The following DPP10 variants were observed in gnomAD, a reference collection of about 807,000 sequenced individuals.
DPP10 encodes the protein dipeptidyl peptidase like 10, also known as inactive dipeptidyl peptidase 10.
In DPP10, 33 loss-of-function variants were observed where a neutral mutation model predicts 120.9. The ratio of observed to expected loss-of-function variants is 0.27; its 90% CI spans 0.21 to 0.37. The LOEUF is 0.37. Ranked by LOEUF, DPP10 falls within the 10% of genes least tolerant of loss-of-function variation. The probability of loss-of-function intolerance (pLI) is 1.00; values close to 1 mark genes in which losing one functional copy is unlikely to be tolerated. For missense variants in DPP10, 816 were observed against 942.8 expected, an observed-to-expected ratio of 0.87 and a Z score of 1.76; for synonymous variants, 337 against 326.1, an observed-to-expected ratio of 1.03 and a Z score of -0.36.
chr2:115,391,299 G>A (rs991089651), intron 3 of DPP10, among the ~76,000 whole-genome samples: 2 of 152,124 alleles, frequency 1.3e-5, no homozygotes, highest in Non-Finnish European at 2.9e-5. Context: ...TAAATATGAA[G>A]TCCTTACTAC....
At position 115,068,277 on chromosome 2, in the gene DPP10, G is replaced by GT. The variant is rs1317837120; in HGVS notation, c.61-240961dup. 4.0e-5 allele frequency among the ~76,000 whole-genome samples: 6 copies of GT among 150,946 alleles called. No homozygotes were observed. In the South Asian group the frequency reaches 1.3e-3, roughly 32 times the overall value. On this transcript the variant is annotated intron_variant, in intron 1 of 25. Coordinates refer to ENST00000410059, the MANE Select transcript of DPP10 (RefSeq NM_020868.6). The stretch of plus-strand genomic sequence containing the variant: ...AGCCATTCTAGCCATTCTAACAGGT[G>GT]TGAGGTTATTGTGGTTTTAATTTGC...
intron 10 of DPP10, among the ~76,000 whole-genome samples, chr2:115,751,957 C>T (rs1332716707): frequency 1.4e-5 from 2 of 140,440 alleles, no homozygotes; most frequent in Non-Finnish European, 3.2e-5. Flanking sequence ...TGCCACAACA[C>T]CCGGCTAATT....
chr2:115,267,423 G>T (rs2059506016), intron 1 of DPP10, among the ~76,000 whole-genome samples: 1 of 152,130 alleles, frequency 6.6e-6, no homozygotes, highest in Non-Finnish European at 1.5e-5. Flanking sequence ...GCAGGGACTT[G>T]TTTTTAGGAA....
At chr2:115,790,717 T>C (rs1683875077) in intron 17 of DPP10, among the ~76,000 whole-genome samples, 1 of 152,212 alleles carries the variant, frequency 6.6e-6, no homozygotes, top group Non-Finnish European at 1.5e-5. Flanking sequence ...AATCCAGGTG[T>C]CCTCATCCTG....
chr2:114,570,971 C>A (rs1014422648), intron 1 of DPP10, among the ~76,000 whole-genome samples: 3 of 151,718 alleles, frequency 2.0e-5, no homozygotes, highest in African/African-American at 7.3e-5. Context: ...TTTGATTTGT[C>A]CTATTCTATT....
intron 1 of DPP10, among the ~76,000 whole-genome samples, chr2:115,123,194 A>G (rs1462853269): frequency 6.6e-6 from 1 of 152,172 alleles, no homozygotes; most frequent in Non-Finnish European, 1.5e-5. Context: ...GACCAAGACA[A>G]GTTGTAGCGG....
At chr2:114,529,630 C>T (rs1305421655) in intron 1 of DPP10, among the ~76,000 whole-genome samples, 1 of 152,146 alleles carries the variant, frequency 6.6e-6, no homozygotes, top group Non-Finnish European at 1.5e-5. Flanking sequence ...TCCTTTCTTG[C>T]CTCCTCCCAT....
At chr2:115,022,847 ATACT>A (rs767473498) in intron 1 of DPP10, among the ~76,000 whole-genome samples, 1 of 152,190 alleles carries the variant, frequency 6.6e-6, no homozygotes, top group Non-Finnish European at 1.5e-5. Flanking sequence ...ATAAAGCCAA[ATACT>A]TACAGCCAAT....
At position 115,499,573 on chromosome 2, in the gene DPP10, C is replaced by T. The variant is rs2076575787; in HGVS notation, c.335C>T (p.Ala112Val). 1.9e-6 allele frequency: 3 copies of T among 1,611,312 alleles called. No individual in the cohort carries two copies. The highest frequency in any genetic ancestry group is 1.1e-5 in the South Asian group (1 of 90,906). ...ATTAAACTGAATATAGAAACAAATGCTACCACATTATTATTGGAAAACACA... is the reference window on the plus strand; with the variant it reads ...ATTAAACTGAATATAGAAACAAATGTTACCACATTATTATTGGAAAACACA... The part of the protein sequence containing the change: ...HVIKLNIETN[A>V]TTLLLENTTF... Residue 112 changes from alanine to valine, a missense_variant, in exon 4 of 26, where the codon GCT becomes GTT. Physicochemically the swap from Ala to Val is moderately conservative, Grantham distance 64. This residue lies in a region of DPP10 where 182 missense variants were observed against 207.4 expected (regional missense o/e 0.88). Coordinates refer to ENST00000410059, the MANE Select transcript of DPP10 (RefSeq NM_020868.6).
intron 1 of DPP10, among the ~76,000 whole-genome samples, chr2:114,618,052 G>T (rs1037324992): frequency 6.6e-6 from 1 of 152,026 alleles, no homozygotes; most frequent in African/African-American, 2.4e-5. Context: ...ATGGGTCCAC[G>T]CAGTGTATTT....
intron 1 of DPP10, among the ~76,000 whole-genome samples, chr2:115,003,249 GCAAA>G (rs945324153): frequency 6.6e-6 from 1 of 150,612 alleles, no homozygotes; most frequent in Non-Finnish European, 1.5e-5. Context: ...ATTATCCCAG[GCAAA>G]CAAACAAAGG....
At chr2:115,162,178 C>T in intron 1 of DPP10, 1 of 1,547,876 alleles carries the variant, frequency 6.5e-7, no homozygotes, top group Middle Eastern at 2.1e-4. Context: ...CCTGCTTCTC[C>T]ACGGACTCTG....
intron 5 of DPP10, among the ~76,000 whole-genome samples, chr2:115,666,991 T>G (rs1038054730): frequency 6.6e-6 from 1 of 152,136 alleles, no homozygotes; most frequent in Non-Finnish European, 1.5e-5. Context: ...CTGCTTCCCT[T>G]TTGCCTTTCA....
intron 1 of DPP10, among the ~76,000 whole-genome samples, chr2:114,982,649 G>A (rs1470482162): frequency 1.3e-5 from 2 of 151,292 alleles, no homozygotes; most frequent in African/African-American, 4.9e-5. Flanking sequence ...CACCCAGGCT[G>A]GAGTTCACTG....
chr2:115,637,324 A>G (rs1312134614), intron 5 of DPP10, among the ~76,000 whole-genome samples: 1 of 152,174 alleles, frequency 6.6e-6, no homozygotes, highest in East Asian at 1.9e-4. Context: ...GAGTAAAGTA[A>G]CTGTATACTA....
intron 1 of DPP10, among the ~76,000 whole-genome samples, chr2:114,595,056 AATACATCTGGTCATAGGG>A (rs1691796454): frequency 6.6e-6 from 1 of 151,992 alleles, no homozygotes. Context: ...TTTTGTAATT[AATACATCTGGTCATAGGG>A]GAAAAGAATG....
Position 115,557,811 on chromosome 2 carries a change from C to A in DPP10, c.441+31839C>A, listed in dbSNP as rs181866551. On this transcript the variant is annotated intron_variant, in intron 5 of 25. Coordinates refer to ENST00000410059, the MANE Select transcript of DPP10 (RefSeq NM_020868.6). Reference sequence around the variant, plus strand: ...TTCCTGTGAAATGCAGAGGCTCCTACCTAGGAAGACATTTTTCAGGTGCTG... The same window carrying A: ...TTCCTGTGAAATGCAGAGGCTCCTAACTAGGAAGACATTTTTCAGGTGCTG... Among the ~76,000 whole-genome samples the A allele has an allele frequency of 3.9e-5, 6 of 152,210 alleles. No individual in the cohort carries two copies. In the East Asian group the frequency reaches 1.2e-3, roughly 29 times the overall value.
intron 1 of DPP10, among the ~76,000 whole-genome samples, chr2:114,894,632 T>C (rs1484119365): frequency 6.6e-6 from 1 of 152,188 alleles, no homozygotes; most frequent in Non-Finnish European, 1.5e-5. Context: ...TTCAGTGTAA[T>C]ACTAAGCAGT....
chr2:115,320,813 T>A (rs1484244303), intron 2 of DPP10, among the ~76,000 whole-genome samples: 2 of 152,170 alleles, frequency 1.3e-5, no homozygotes, highest in African/African-American at 4.8e-5. Context: ...GAGTTTTTTG[T>A]TTCTTCATAT....
Sources: allele counts gnomAD v4.1 joint callset (sites outside exome capture counted in the v4.1 genomes callset), GRCh38; gene constraint gnomAD v4.1.1; regional missense constraint gnomAD v4.1.1; transcripts MANE v1.5; gene names NCBI Gene and HGNC (gene_info 2026-07-23, HGNC 2026-07-21).